Variants in VWA2 observed in about 807,000 individuals in gnomAD.
VWA2 encodes von Willebrand factor A domain containing 2.
In VWA2, 73 loss-of-function variants were observed where a neutral mutation model predicts 70.4. The observed-to-expected ratio is 1.04, with a 90% CI of 0.86 to 1.26. The LOEUF (loss-of-function observed/expected upper bound fraction) is 1.26. VWA2 is among the 50% of genes most tolerant of loss of function. The pLI, the probability that VWA2 is intolerant of heterozygous loss-of-function variation, is 0.00. For synonymous variants in VWA2, 407 were observed against 423.3 expected (o/e 0.96, Z 0.47); for missense variants, 1,011 against 998.5 (o/e 1.01, Z -0.17).
chr10:114,270,785 G>C (rs886371100), intron 5 of VWA2, among the ~76,000 whole-genome samples: 2 of 152,164 alleles, frequency 1.3e-5, no homozygotes, highest in East Asian at 3.8e-4. Context: ...AGTCAGTGGC[G>C]TGAGTGTAGT....
chr10:114,273,604 G>A (rs929666791), intron 6 of VWA2, among the ~76,000 whole-genome samples: 1 of 152,174 alleles, frequency 6.6e-6, no homozygotes, highest in Admixed American at 6.5e-5. Context: ...AAAAATGGAC[G>A]TCACTTATGC....
At chr10:114,280,923 T>A (rs1018347527) in intron 8 of VWA2, 9 of 152,140 alleles carry the variant, frequency 5.9e-5, no homozygotes, top group African/African-American at 1.9e-4. Context: ...GATTTTTTTT[T>A]ATAGATGGGG....
At chr10:114,257,176 A>G (rs2037348931) in intron 4 of VWA2, among the ~76,000 whole-genome samples, 1 of 152,144 alleles carries the variant, frequency 6.6e-6, no homozygotes, top group African/African-American at 2.4e-5. Flanking sequence ...AGGACACCAT[A>G]GCAGGCATCA....
chr10:114,251,623 T>C (rs1462538371), intron 2 of VWA2, among the ~76,000 whole-genome samples: 1 of 152,126 alleles, frequency 6.6e-6, no homozygotes, highest in African/African-American at 2.4e-5. Flanking sequence ...TCAGGAAACC[T>C]TAGTGCCTAT....
chr10:114,261,598 T>C (rs762866261), intron 5 of VWA2, among the ~76,000 whole-genome samples: 14 of 152,186 alleles, frequency 9.2e-5, no homozygotes, highest in Non-Finnish European at 1.5e-4. Context: ...CCTGGAGGAA[T>C]AGGAGGAACA....
At chr10:114,278,538 A>G (rs966254532) in intron 7 of VWA2, among the ~76,000 whole-genome samples, 181 bp from the exon 8 acceptor site, 1 of 152,226 alleles carries the variant, frequency 6.6e-6, no homozygotes, top group Admixed American at 6.5e-5. Context: ...TGCCCCGCTG[A>G]ACAGGCAGAG....
At chr10:114,252,549 C>T (rs1269282974) in intron 2 of VWA2, among the ~76,000 whole-genome samples, 1 of 152,092 alleles carries the variant, frequency 6.6e-6, no homozygotes, top group Non-Finnish European at 1.5e-5. Context: ...CTGAAACCCT[C>T]TTTTGGCGTC....
At position 114,291,240 on chromosome 10, in the gene VWA2, CACATGGCT is replaced by C; in HGVS notation, c.*4_*11del. On this transcript the variant is annotated 3_prime_UTR_variant, in exon 14 of 14. Coordinates refer to ENST00000392982, the MANE Select transcript of VWA2 (RefSeq NM_001272046.2). ...CAGGATTCTTGAGACGCCCCTGAGG[CACATGGCT>C]CCCGTGCAGGAGGGCAGCAGCCGTA... 6.5e-7 allele frequency: 1 copy of C among 1,550,296 alleles called. No homozygotes were observed. Among genetic ancestry groups the C allele is most frequent in the South Asian group, 1.2e-5 (1 of 84,028 alleles).
intron 9 of VWA2, among the ~76,000 whole-genome samples, chr10:114,284,502 CT>C (rs897038936): frequency 1.3e-5 from 2 of 152,190 alleles, no homozygotes; most frequent in Non-Finnish European, 2.9e-5. Context: ...TAAGACAACC[CT>C]GTGTAGAACT....
At chr10:114,256,527 C>T (rs150467167) in intron 4 of VWA2, among the ~76,000 whole-genome samples, 314 of 152,224 alleles carry the variant, frequency 2.1e-3, no homozygotes, top group African/African-American at 7.1e-3. Flanking sequence ...AGTGAGTTGA[C>T]AGGGCACAAG....
intron 6 of VWA2, among the ~76,000 whole-genome samples, chr10:114,276,480 A>T (rs999172765): frequency 1.3e-5 from 2 of 152,116 alleles, no homozygotes; most frequent in Non-Finnish European, 2.9e-5. Context: ...TAAAGCAAAA[A>T]AACTGATACT....
intron 4 of VWA2, among the ~76,000 whole-genome samples, chr10:114,256,975 G>A (rs887490203): frequency 2.0e-5 from 3 of 151,568 alleles, no homozygotes; most frequent in Non-Finnish European, 4.4e-5. Context: ...TTACTTGGAT[G>A]AGAGACTGGT....
chr10:114,264,261 T>C (rs562676424), intron 5 of VWA2, among the ~76,000 whole-genome samples: 1 of 152,344 alleles, frequency 6.6e-6, no homozygotes, highest in South Asian at 2.1e-4. Context: ...AACTAATGCA[T>C]GTATAAACAA....
At chr10:114,253,934 C>T (rs1471588575) in intron 3 of VWA2, among the ~76,000 whole-genome samples, 2 of 151,718 alleles carry the variant, frequency 1.3e-5, no homozygotes, top group South Asian at 2.1e-4. Context: ...TCCAGCTACT[C>T]GGGAGGCTGA....
At chr10:114,278,589 C>A (rs2037906429) in intron 7 of VWA2, 130 bp from the exon 8 acceptor site, 2 of 1,346,820 alleles carry the variant, frequency 1.5e-6, no homozygotes, top group Admixed American at 2.0e-5. Context: ...CCTGAGAGAG[C>A]AGAAAGTGGC....
At chr10:114,285,897 A>G (rs549573488) in intron 10 of VWA2, 42 bp from the exon 11 acceptor site, 9 of 1,536,686 alleles carry the variant, frequency 5.9e-6, no homozygotes, top group East Asian at 4.5e-5. Context: ...CGCATGCCGC[A>G]TGACCATGGC....
intron 1 of VWA2, among the ~76,000 whole-genome samples, chr10:114,244,243 A>ATGCTTCTG (rs1564710719): frequency 6.6e-6 from 1 of 152,158 alleles, no homozygotes; most frequent in African/African-American, 2.4e-5. Context: ...TTTTTAAATT[A>ATGCTTCTG]TGCTTCTGTG....
At chr10:114,270,305 G>A (rs893150745) in intron 5 of VWA2, among the ~76,000 whole-genome samples, 3 of 152,138 alleles carry the variant, frequency 2.0e-5, no homozygotes, top group Non-Finnish European at 2.9e-5. Flanking sequence ...ACTCATGAGC[G>A]GCATAACCTT....
chr10:114,246,775 A>C (rs1324853274), intron 1 of VWA2: 2 of 1,274,300 alleles, frequency 1.6e-6, no homozygotes, highest in Non-Finnish European at 1.1e-6. Flanking sequence ...TTTCAGGAAC[A>C]TGCTACTAAA....
Sources: allele counts gnomAD v4.1 joint callset (sites outside exome capture counted in the v4.1 genomes callset), GRCh38; gene constraint gnomAD v4.1.1; transcripts MANE v1.5; gene names NCBI Gene and HGNC (gene_info 2026-07-23, HGNC 2026-07-21).